The following ROBO2 variants were observed in gnomAD, a reference collection of about 807,000 sequenced individuals.
ROBO2 encodes roundabout guidance receptor 2.
In ROBO2, 53 loss-of-function variants were observed where a neutral mutation model predicts 160.8. The ratio of observed to expected loss-of-function variants is 0.33; its 90% CI spans 0.26 to 0.41. The LOEUF (loss-of-function observed/expected upper bound fraction) is 0.41. ROBO2 is among the 10% of genes least tolerant of loss of function. ROBO2 has a pLI of 1.00. For missense variants in ROBO2, 1,577 were observed against 1,722.4 expected (o/e 0.92, Z 1.49); for synonymous variants, 664 against 611.7 (o/e 1.09, Z -1.26).
chr3:76,583,250 C>T (rs530265047), intron 2 of ROBO2, among the ~76,000 whole-genome samples: 1 of 152,238 alleles, frequency 6.6e-6, no homozygotes, highest in East Asian at 1.9e-4. Flanking sequence ...CAGCATCTGA[C>T]TCATGAGTGA....
intron 2 of ROBO2, among the ~76,000 whole-genome samples, chr3:76,338,113 T>C (rs900349109): frequency 2.0e-5 from 3 of 152,166 alleles, no homozygotes; most frequent in Non-Finnish European, 4.4e-5. Context: ...AGTACATGTA[T>C]TTGAGACTTT....
At chr3:77,312,534 A>G (rs1457661870) in intron 2 of ROBO2, among the ~76,000 whole-genome samples, 1 of 152,214 alleles carries the variant, frequency 6.6e-6, no homozygotes, top group Non-Finnish European at 1.5e-5. Flanking sequence ...CACATAAACC[A>G]ATATGGAAGT....
intron 2 of ROBO2, among the ~76,000 whole-genome samples, chr3:77,382,993 T>C (rs1487973756): frequency 4.6e-5 from 7 of 152,242 alleles, no homozygotes. Context: ...GTTGAATTTC[T>C]GTTTTTCTTT....
intron 5 of ROBO2, among the ~76,000 whole-genome samples, chr3:77,501,559 C>T (rs934485717): frequency 3.3e-5 from 5 of 152,168 alleles, no homozygotes; most frequent in Admixed American, 1.3e-4. Context: ...TTAAGCAATT[C>T]ATGTAACATG....
intron 2 of ROBO2, among the ~76,000 whole-genome samples, chr3:76,406,997 GTTT>G (rs62802963): frequency 8.1e-6 from 1 of 123,374 alleles, no homozygotes. Flanking sequence ...ACCCTGAGTT[GTTT>G]TTTTTTTTTT....
At position 76,383,387 on chromosome 3, in the gene ROBO2, T is replaced by C. The variant is rs149660585; in HGVS notation, c.109+445785T>C. On this transcript the variant is annotated intron_variant, in intron 2 of 26. Coordinates refer to the ROBO2 transcript ENST00000487694. ...ATACATAAATCAAAACAGATTAATA[T>C]TCCCTCTGAAGAATATATTGCTGCT... Among the ~76,000 whole-genome samples the C allele has an allele frequency of 3.1e-4, 47 of 152,310 alleles. 1 individual carries two copies. The East Asian group carries it at 8.5e-3, about 28-fold the overall frequency.
At chr3:76,408,748 G>A (rs1030833291) in intron 2 of ROBO2, among the ~76,000 whole-genome samples, 2 of 152,020 alleles carry the variant, frequency 1.3e-5, no homozygotes, top group African/African-American at 4.8e-5. Context: ...TAAAATTGCT[G>A]TTAATACTCA....
chr3:77,426,682 AAGGAAGGAAGG>A (rs1581847519), intron 2 of ROBO2, among the ~76,000 whole-genome samples: 2 of 19,646 alleles, frequency 1.0e-4, no homozygotes, highest in South Asian at 3.2e-3. Flanking sequence ...TTTGGTCAGG[AAGGAAGGAAGG>A]AAGGAAGGAA....
chr3:77,454,666 A>AT lies in ROBO2; in HGVS notation c.389-22741dup, dbSNP rs147710009. Among the ~76,000 whole-genome samples the AT allele has an allele frequency of 8.6e-3, 1,313 of 152,150 alleles. 13 individuals carry two copies. Among genetic ancestry groups the AT allele is most frequent in the Non-Finnish European group, 0.012 (811 of 68,004 alleles). On this transcript the variant is annotated intron_variant, in intron 2 of 25. Transcript: ENST00000461745. ...ATTTTGAAAGGTGTTTCCTTTGAATATTTTTTTCACATCTAGTTCATAAGA... is the reference window on the plus strand; with the variant it reads ...ATTTTGAAAGGTGTTTCCTTTGAATATTTTTTTTCACATCTAGTTCATAAGA...
At chr3:77,137,844 A>G (rs2076399665) in intron 2 of ROBO2, among the ~76,000 whole-genome samples, 1 of 152,244 alleles carries the variant, frequency 6.6e-6, no homozygotes, top group African/African-American at 2.4e-5. Context: ...AAATACAGCC[A>G]GATATATTCA....
chr3:77,134,769 T>A (rs2076142272), intron 2 of ROBO2, among the ~76,000 whole-genome samples: 1 of 152,166 alleles, frequency 6.6e-6, no homozygotes, highest in Non-Finnish European at 1.5e-5. Flanking sequence ...AGGAAAAGAT[T>A]GTGAAGGAGG....
chr3:76,886,154 G>T (rs1412627720), intron 2 of ROBO2, among the ~76,000 whole-genome samples: 2 of 151,812 alleles, frequency 1.3e-5, no homozygotes. Context: ...CTTTACTCTG[G>T]TTCTGACTTC....
chr3:76,182,654 T>C (rs1393664853), intron 2 of ROBO2, among the ~76,000 whole-genome samples: 2 of 152,110 alleles, frequency 1.3e-5, no homozygotes, highest in Admixed American at 6.6e-5. Flanking sequence ...TAATCTCTGC[T>C]TATCACTCCG....
intron 2 of ROBO2, among the ~76,000 whole-genome samples, chr3:76,972,112 C>T (rs1247794306): frequency 2.0e-5 from 3 of 152,098 alleles, no homozygotes. Context: ...ACATCTAACA[C>T]CTTAACAAAT....
At chr3:76,741,654 A>T (rs1212873309) in intron 2 of ROBO2, among the ~76,000 whole-genome samples, 2 of 152,032 alleles carry the variant, frequency 1.3e-5, no homozygotes, top group African/African-American at 4.8e-5. Context: ...TTCTTGGTCA[A>T]GCTGAATTAC....
intron 2 of ROBO2, among the ~76,000 whole-genome samples, chr3:76,859,229 A>G (rs1295305498): frequency 6.6e-6 from 1 of 152,226 alleles, no homozygotes. Flanking sequence ...ACAAAAATAG[A>G]CATGACTTTC....
At chr3:77,276,469 C>T (rs1438956307) in intron 2 of ROBO2, among the ~76,000 whole-genome samples, 6 of 152,148 alleles carry the variant, frequency 3.9e-5, no homozygotes, top group Admixed American at 2.6e-4. Flanking sequence ...CATTGCCTCC[C>T]TTGAGAATGC....
chr3:77,458,488 A>C (rs956906861), intron 2 of ROBO2, among the ~76,000 whole-genome samples: 1 of 152,200 alleles, frequency 6.6e-6, no homozygotes, highest in African/African-American at 2.4e-5. Flanking sequence ...GGGTTTCCGC[A>C]TACCTATTAG....
At chr3:77,514,200 T>C (rs141233067) in intron 5 of ROBO2, among the ~76,000 whole-genome samples, 1 of 151,836 alleles carries the variant, frequency 6.6e-6, no homozygotes, top group Admixed American at 6.6e-5. Context: ...AAACTCCACT[T>C]ATTGAAAATT....
Sources: gnomAD v4.1 joint callset for allele counts (sites outside exome capture counted in the v4.1 genomes callset) on GRCh38, gnomAD v4.1.1 for gene constraint, MANE v1.5 for transcripts, NCBI Gene and HGNC (gene_info 2026-07-23, HGNC 2026-07-21) for gene names.